The following CCSER1 variants were observed in gnomAD, a reference collection of about 807,000 sequenced individuals.
CCSER1 encodes the protein coiled-coil serine rich protein 1, also known as serine-rich coiled-coil domain-containing protein 1.
CCSER1 carries 41 observed loss-of-function variants against 82.0 expected under a neutral mutation model. The ratio of observed to expected loss-of-function variants is 0.50; its 90% CI spans 0.39 to 0.65. The LOEUF (loss-of-function observed/expected upper bound fraction) is 0.65. Among genes scored for constraint, CCSER1 ranks in the 30% least tolerant of loss-of-function variants. The probability of loss-of-function intolerance (pLI) is 0.00; values close to 1 mark genes in which losing one functional copy is unlikely to be tolerated. For missense variants in CCSER1, 1,119 were observed against 1,064.2 expected, an observed-to-expected ratio of 1.05 and a Z score of -0.72; for synonymous variants, 414 against 383.9, an observed-to-expected ratio of 1.08 and a Z score of -0.92.
chr4:90,971,596 A>G (rs1561433619), intron 9 of CCSER1, among the ~76,000 whole-genome samples: 1 of 151,988 alleles, frequency 6.6e-6, no homozygotes, highest in Admixed American at 6.6e-5. Context: ...AAAATAATAA[A>G]TGCCAATACT....
chr4:90,364,297 C>T (rs549107787), intron 3 of CCSER1, among the ~76,000 whole-genome samples: 1 of 152,144 alleles, frequency 6.6e-6, no homozygotes, highest in Non-Finnish European at 1.5e-5. Context: ...TCCCTCTACT[C>T]ACATTTTTCC....
chr4:90,269,262 C>T (rs780660941), intron 1 of CCSER1, among the ~76,000 whole-genome samples: 1 of 152,050 alleles, frequency 6.6e-6, no homozygotes, highest in Non-Finnish European at 1.5e-5. Context: ...GGATCATTCT[C>T]AAGGATAGAC....
intron 10 of CCSER1, among the ~76,000 whole-genome samples, chr4:91,227,951 T>C (rs776762394): frequency 1.3e-5 from 2 of 152,038 alleles, no homozygotes; most frequent in African/African-American, 2.4e-5. Flanking sequence ...ATTCATCCTC[T>C]ATTTGGTTTT....
chr4:91,363,824 C>T (rs1445686440), intron 10 of CCSER1, among the ~76,000 whole-genome samples: 1 of 151,640 alleles, frequency 6.6e-6, no homozygotes, highest in Non-Finnish European at 1.5e-5. Context: ...AGAAACAACC[C>T]TTTTTCATTT....
intron 1 of CCSER1, among the ~76,000 whole-genome samples, chr4:90,180,674 C>T (rs1459608182): frequency 6.6e-6 from 1 of 152,106 alleles, no homozygotes; most frequent in East Asian, 1.9e-4. Context: ...CTTAAAAATC[C>T]TATTTTGAAT....
At chr4:91,444,786 A>G (rs1408771055) in intron 10 of CCSER1, among the ~76,000 whole-genome samples, 2 of 152,176 alleles carry the variant, frequency 1.3e-5, no homozygotes, top group African/African-American at 4.8e-5. Context: ...CTGTGAGTGA[A>G]ATGTCAGATG....
At position 91,601,094 on chromosome 4, in the gene CCSER1, C is replaced by T. The variant is rs1304064605; in HGVS notation, c.*2037C>T. ...ATGATAAAATAATCAAGGATTTTTT[C>T]CCAGGATATGGAAGAACTATGTATC... On this transcript the variant is annotated 3_prime_UTR_variant, in exon 11 of 11. Transcript: ENST00000509176. 6.6e-6 allele frequency: 1 copy of T among 151,868 alleles called. No homozygotes were observed. Among genetic ancestry groups the T allele is most frequent in the African/African-American group, 2.4e-5 (1 of 41,376 alleles). 9.4% of individuals were successfully genotyped at this position (151,868 alleles called of 1,614,324 possible). A position where few individuals can be genotyped will look rare whatever the true frequency, so the allele number is the denominator to read the frequency against.
chr4:91,479,628 G>A (rs1757779640), intron 10 of CCSER1, among the ~76,000 whole-genome samples: 1 of 151,176 alleles, frequency 6.6e-6, no homozygotes, highest in Admixed American at 6.6e-5. Context: ...TGGTAAGATG[G>A]AGATACTTCC....
chr4:90,400,918 T>C (rs1206496015), intron 4 of CCSER1, among the ~76,000 whole-genome samples: 1 of 152,166 alleles, frequency 6.6e-6, no homozygotes, highest in Non-Finnish European at 1.5e-5. Context: ...CTTTAGAACG[T>C]TGGGACCTAC....
intron 1 of CCSER1, among the ~76,000 whole-genome samples, chr4:90,217,388 A>G (rs1741261900): frequency 6.6e-6 from 1 of 152,012 alleles, no homozygotes; most frequent in Non-Finnish European, 1.5e-5. Context: ...TAGTAGAAAC[A>G]GGGTTTCATC....
rs759384863 is a variant in CCSER1 at position 91,517,774 on chromosome 4, GTGTGTGTGTGTT to G, written c.2218-80796_2218-80785del. Among the ~76,000 whole-genome samples, 299 of 142,380 alleles carry G rather than the reference GTGTGTGTGTGTT, an allele frequency of 2.1e-3. 1 individual carries two copies. The highest frequency in any genetic ancestry group is 5.7e-3 in the African/African-American group (220 of 38,616). 93.4% of individuals were successfully genotyped at this position (142,380 alleles called of 152,430 possible). A position where few individuals can be genotyped will look rare whatever the true frequency, so the allele number is the denominator to read the frequency against. On this transcript the variant is annotated intron_variant, in intron 10 of 10. Transcript: ENST00000509176. ...TGTGTGTGTGTGTGTGTGTGTGTGT[GTGTGTGTGTGTT>G]TAACTTTGATATAAATTGAGTACAG...
chr4:90,800,484 G>A (rs553237589), intron 7 of CCSER1, among the ~76,000 whole-genome samples: 1 of 152,142 alleles, frequency 6.6e-6, no homozygotes, highest in African/African-American at 2.4e-5. Context: ...AAGAAATACA[G>A]GTAGAATATG....
chr4:90,185,212 C>T (rs1218887798), intron 1 of CCSER1, among the ~76,000 whole-genome samples: 1 of 151,940 alleles, frequency 6.6e-6, no homozygotes, highest in African/African-American at 2.4e-5. Flanking sequence ...CTTTTTATTT[C>T]CCTGGACCTT....
At chr4:90,857,626 G>T (rs1446611087) in intron 8 of CCSER1, among the ~76,000 whole-genome samples, 1 of 152,014 alleles carries the variant, frequency 6.6e-6, no homozygotes. Flanking sequence ...TCAGCCACAT[G>T]ACATAGATTA....
At chr4:90,344,862 A>T (rs113140997) in intron 3 of CCSER1, among the ~76,000 whole-genome samples, 2,531 of 152,266 alleles carry the variant, frequency 0.017, 46 homozygotes, top group African/African-American at 0.043. Context: ...GAACATATGT[A>T]TATTAAATAT....
chr4:90,535,944 A>T lies in CCSER1; in HGVS notation c.1724+67590A>T, dbSNP rs540891066. ...ACTGTAGTTAAATGACTTGAGTATC[A>T]TATGTCTTGACTATAATATGCCTTG... On this transcript the variant is annotated intron_variant, in intron 5 of 10. Coordinates refer to ENST00000509176, the MANE Select transcript of CCSER1 (RefSeq NM_001145065.2). Among the ~76,000 whole-genome samples, 7 of 152,184 alleles carry T rather than the reference A, an allele frequency of 4.6e-5. No homozygotes were observed. The South Asian group carries it at 1.5e-3, about 32-fold the overall frequency.
intron 10 of CCSER1, among the ~76,000 whole-genome samples, chr4:91,499,359 C>T (rs183150778): frequency 2.1e-3 from 326 of 151,784 alleles, no homozygotes; most frequent in Middle Eastern, 3.4e-3. Flanking sequence ...CAAAATTAGG[C>T]AGAAGGTGCA....
At chr4:91,181,183 C>T (rs1733998099) in intron 10 of CCSER1, among the ~76,000 whole-genome samples, 1 of 152,190 alleles carries the variant, frequency 6.6e-6, no homozygotes, top group Non-Finnish European at 1.5e-5. Context: ...TTTGGGGGGC[C>T]TGCTCCCACC....
In CCSER1 at chr4:90,492,504, G is replaced by A. The variant is rs564069726; in HGVS notation, c.1724+24150G>A. Among the ~76,000 whole-genome samples the A allele has an allele frequency of 1.2e-4, 19 of 152,040 alleles. No individual in the cohort carries two copies. The East Asian group carries it at 2.3e-3, about 19-fold the overall frequency. On this transcript the variant is annotated intron_variant, in intron 5 of 10. Coordinates refer to ENST00000509176, the MANE Select transcript of CCSER1 (RefSeq NM_001145065.2). The stretch of plus-strand genomic sequence containing the variant: ...CATTGATTTTTTTGAAGGGCTTTTT[G>A]TGTCTCTATCTCCTTCAGTTGTGCT...
Sources: gnomAD v4.1 joint callset for allele counts (sites outside exome capture counted in the v4.1 genomes callset) on GRCh38, gnomAD v4.1.1 for gene constraint, MANE v1.5 for transcripts, NCBI Gene and HGNC (gene_info 2026-07-23, HGNC 2026-07-21) for gene names.